The following ZBTB20 variants were observed in gnomAD, a reference collection of about 807,000 sequenced individuals.
ZBTB20 encodes zinc finger and BTB domain-containing protein 20.
In ZBTB20, 9 loss-of-function variants were observed where a neutral mutation model predicts 56.9. The observed-to-expected ratio is 0.16, with a 90% confidence interval of 0.10 to 0.28. The LOEUF is 0.28. ZBTB20 is among the 10% of genes least tolerant of loss of function. ZBTB20 has a pLI of 1.00. For synonymous variants in ZBTB20, 417 were observed against 420.7 expected, an observed-to-expected ratio of 0.99 and a Z score of 0.11; for missense variants, 655 against 1,003.0, an observed-to-expected ratio of 0.65 and a Z score of 4.69.
At chr3:114,575,346 C>T (rs1258924838) in intron 6 of ZBTB20, among the ~76,000 whole-genome samples, 1 of 152,020 alleles carries the variant, frequency 6.6e-6, no homozygotes, top group East Asian at 1.9e-4. Context: ...TTAGAATTTC[C>T]ATAAAATTTG....
intron 7 of ZBTB20, among the ~76,000 whole-genome samples, chr3:114,414,653 C>T (rs2088330258): frequency 6.7e-6 from 1 of 150,260 alleles, no homozygotes. Context: ...TAATTTCTAT[C>T]CTTGTAAAAT....
chr3:114,808,644 A>AT lies in ZBTB20; in HGVS notation c.-416-7471dup, dbSNP rs1267267792. Among the ~76,000 whole-genome samples the AT allele has an allele frequency of 2.0e-5, 3 of 151,412 alleles. No homozygotes were observed. The East Asian group carries it at 5.8e-4, about 29-fold the overall frequency. On this transcript the variant is annotated intron_variant, in intron 4 of 11. Transcript: ENST00000675478. ...AAAAAACTAAGTTTTGGTTTCATTA[A>AT]TTTTCTCTATTATTTTCATTATCTA...
chr3:115,106,838 T>C (rs529165783), intron 1 of ZBTB20, among the ~76,000 whole-genome samples: 12 of 152,272 alleles, frequency 7.9e-5, no homozygotes, highest in African/African-American at 2.9e-4. Context: ...ACCCTACTTA[T>C]TAAGCTTTGT....
intron 7 of ZBTB20, among the ~76,000 whole-genome samples, chr3:114,497,518 C>T (rs1442553676): frequency 6.6e-6 from 1 of 152,120 alleles, no homozygotes; most frequent in Non-Finnish European, 1.5e-5. Flanking sequence ...TGATTATGAT[C>T]CCCTTTTCTT....
intron 3 of ZBTB20, among the ~76,000 whole-genome samples, chr3:114,921,549 G>A (rs984087180): frequency 6.6e-6 from 1 of 151,970 alleles, no homozygotes; most frequent in African/African-American, 2.4e-5. Flanking sequence ...GGCCAGCATT[G>A]CCCTCATACC....
chr3:114,905,045 T>C (rs1486505493), intron 3 of ZBTB20, among the ~76,000 whole-genome samples: 1 of 151,944 alleles, frequency 6.6e-6, no homozygotes, highest in Admixed American at 6.6e-5. Flanking sequence ...ATAAACATGA[T>C]AAATTTGAAC....
intron 2 of ZBTB20, among the ~76,000 whole-genome samples, chr3:115,032,511 C>G (rs946855083): frequency 6.6e-6 from 1 of 151,172 alleles, no homozygotes; most frequent in Admixed American, 6.6e-5. Flanking sequence ...TCATTTGTTA[C>G]TTAGTAATAC....
rs760006903 is a variant in ZBTB20, at chr3:114,350,849, T to A, written c.1229A>T (p.Glu410Val). The A allele has an allele frequency of 9.3e-6, 15 of 1,611,620 alleles. No individual in the cohort carries two copies. The South Asian group carries it at 1.5e-4, about 17-fold the overall frequency. The change falls in exon 11 of 12, where the codon GAG becomes GTG. Residue 410 changes from glutamate to valine, a missense_variant. By Grantham distance (121) the Glu-to-Val change is moderately radical. This residue lies in a region of ZBTB20 where 156 missense variants were observed against 181.0 expected (regional missense o/e 0.86). Coordinates refer to ENST00000675478, the MANE Select transcript of ZBTB20 (RefSeq NM_001348800.3). ...CTCAGCGGGGGCTTCTGCAGCCTGC[T>A]CGGGTTGGGTGGGTTCAGCCTGGCT... is the stretch of plus-strand genomic sequence containing the variant. ...RDSQAEPTQP[E>V]QAAEAPAEGG...
chr3:114,855,138 A>G (rs2107448191), intron 4 of ZBTB20, among the ~76,000 whole-genome samples: 1 of 152,362 alleles, frequency 6.6e-6, no homozygotes, highest in Admixed American at 6.5e-5. Context: ...TAAATGTTAT[A>G]GATCTCATAG....
intron 3 of ZBTB20, among the ~76,000 whole-genome samples, chr3:114,953,726 G>A (rs1576412768): frequency 6.6e-6 from 1 of 151,878 alleles, no homozygotes; most frequent in Non-Finnish European, 1.5e-5. Flanking sequence ...AAAACTGACA[G>A]AACTGAAAGG....
At chr3:114,345,242 T>C (rs188696854) in intron 11 of ZBTB20, among the ~76,000 whole-genome samples, 1 of 152,314 alleles carries the variant, frequency 6.6e-6, no homozygotes. Flanking sequence ...TGTGAAAGTG[T>C]GATATACATG....
intron 5 of ZBTB20, among the ~76,000 whole-genome samples, chr3:114,748,352 T>TCTTTCTTTTCTC (rs374192570): frequency 2.1e-5 from 1 of 48,578 alleles, no homozygotes; most frequent in East Asian, 7.6e-4. Context: ...TTTCTTTCTT[T>TCTTTCTTTTCTC]TCTCTCTCTC....
chr3:115,021,142 T>G (rs2080187106), intron 2 of ZBTB20, among the ~76,000 whole-genome samples: 1 of 151,010 alleles, frequency 6.6e-6, no homozygotes, highest in Non-Finnish European at 1.5e-5. Flanking sequence ...CCTCATATTT[T>G]TGGAATGCCA....
chr3:115,052,542 T>A (rs994535530), intron 2 of ZBTB20, among the ~76,000 whole-genome samples: 1 of 152,044 alleles, frequency 6.6e-6, no homozygotes, highest in Admixed American at 6.6e-5. Context: ...TATAATTATA[T>A]TGCACTAATA....
chr3:114,680,303 AAT>A (rs1016256698), intron 6 of ZBTB20, among the ~76,000 whole-genome samples: 1 of 152,154 alleles, frequency 6.6e-6, no homozygotes, highest in Non-Finnish European at 1.5e-5. Context: ...TTTTTTAAAA[AAT>A]ATGTGATAAA....
chr3:114,564,609 A>T (rs2052497541), intron 6 of ZBTB20, among the ~76,000 whole-genome samples: 1 of 152,180 alleles, frequency 6.6e-6, no homozygotes, highest in Non-Finnish European at 1.5e-5. Flanking sequence ...TCCTTTACCC[A>T]GTTTTAGTCA....
chr3:114,709,246 T>A (rs1232815957), intron 5 of ZBTB20, among the ~76,000 whole-genome samples: 1 of 152,188 alleles, frequency 6.6e-6, no homozygotes, highest in Non-Finnish European at 1.5e-5. Flanking sequence ...CAGAACAGTT[T>A]CATAGTTCTT....
chr3:114,563,942 C>T (rs1218876467), intron 6 of ZBTB20, among the ~76,000 whole-genome samples: 1 of 152,166 alleles, frequency 6.6e-6, no homozygotes, highest in Non-Finnish European at 1.5e-5. Context: ...TTAGCACAAA[C>T]TTATAGTTCT....
intron 5 of ZBTB20, among the ~76,000 whole-genome samples, chr3:114,737,248 A>G (rs2066243037): frequency 6.6e-6 from 1 of 152,194 alleles, no homozygotes. Context: ...AATGTAGAGA[A>G]ACATTTTTTT....
Sources: allele counts gnomAD v4.1 joint callset (sites outside exome capture counted in the v4.1 genomes callset), GRCh38; gene constraint gnomAD v4.1.1; regional missense constraint gnomAD v4.1.1; transcripts MANE v1.5; gene names NCBI Gene and HGNC (gene_info 2026-07-23, HGNC 2026-07-21).